Variants in CFAP46 observed in about 807,000 individuals in gnomAD.
The protein encoded by CFAP46 is cilia- and flagella-associated protein 46.
In CFAP46, 245 loss-of-function variants were observed where a neutral mutation model predicts 325.7. The ratio of observed to expected loss-of-function variants is 0.75; its 90% confidence interval spans 0.68 to 0.84. The LOEUF is 0.84. Among genes scored for constraint, CFAP46 ranks in the 40% least tolerant of loss-of-function variants. The probability of loss-of-function intolerance (pLI) is 0.00; values close to 1 mark genes in which losing one functional copy is unlikely to be tolerated. For missense variants in CFAP46, 3,346 were observed against 3,543.0 expected (o/e 0.94, Z 1.41); for synonymous variants, 1,523 against 1,495.9 (o/e 1.02, Z -0.42).
intron 22 of CFAP46, among the ~76,000 whole-genome samples, chr10:132,901,649 A>AAGGT (rs1849393483): frequency 6.6e-6 from 1 of 152,206 alleles, no homozygotes; most frequent in South Asian, 2.1e-4. Context: ...TTTGCTTTAA[A>AAGGT]AGGTCAAGTG....
At chr10:132,813,798 C>G (rs1847634321) in intron 54 of CFAP46, among the ~76,000 whole-genome samples, 1 of 152,204 alleles carries the variant, frequency 6.6e-6, no homozygotes, top group South Asian at 2.1e-4. Flanking sequence ...TCCCTGCTGG[C>G]TGCTTCTGGA....
intron 55 of CFAP46, among the ~76,000 whole-genome samples, chr10:132,811,603 C>T (rs1320523428): frequency 1.3e-5 from 2 of 152,242 alleles, no homozygotes; most frequent in African/African-American, 4.8e-5. Flanking sequence ...GGGCGCTGCC[C>T]ACTTCCACTC....
rs954133768 is a variant in CFAP46, at chr10:132,851,896, G to C, written c.5575-591C>G. Among the ~76,000 whole-genome samples the C allele has an allele frequency of 1.3e-4, 19 of 148,342 alleles. No homozygotes were observed. In the East Asian group the frequency reaches 3.5e-3, roughly 28 times the overall value. On this transcript the variant is annotated intron_variant, in intron 39 of 57. Coordinates refer to ENST00000368586, the MANE Select transcript of CFAP46 (RefSeq NM_001200049.3). ...AATTCTCAGATCCTGATCCACAGAC[G>C]TGGTATGTTCCTCCATTTACTTAGG...
Position 132,885,224 on chromosome 10 carries a change from A to G in CFAP46, c.3506T>C (p.Ile1169Thr). ...AKLGQNFSME[I>T]QKFKAESEDY... is the part of the protein sequence containing the mutation. Reference sequence around the variant, plus strand: ...CTCACTCTCGGCCTTGAATTTCTGTATTTCCATCGAAAAATTCTGCCCGAG... The same window carrying G: ...CTCACTCTCGGCCTTGAATTTCTGTGTTTCCATCGAAAAATTCTGCCCGAG... The change falls in exon 27 of 58, where the codon ATA (isoleucine) becomes ACA (threonine). Residue 1169 changes from isoleucine to threonine, a missense_variant. By Grantham distance (89) the Ile-to-Thr change is moderately conservative. Transcript: ENST00000368586. The G allele has an allele frequency of 6.4e-7, 1 of 1,550,396 alleles. No individual in the cohort carries two copies. The highest frequency in any genetic ancestry group is 8.7e-7 in the Non-Finnish European group (1 of 1,146,930).
intron 50 of CFAP46, among the ~76,000 whole-genome samples, chr10:132,823,754 T>C (rs1335996516): frequency 1.7e-5 from 2 of 114,626 alleles, no homozygotes; most frequent in Non-Finnish European, 4.0e-5. Flanking sequence ...CGCTGATGTG[T>C]GCTGTGTGTG....
rs77106044 is a variant in CFAP46 at position 132,846,068 on chromosome 10, C to T, written c.6427G>A (p.Ala2143Thr). 5,971 of 1,576,098 alleles carry T rather than the reference C, an allele frequency of 3.8e-3. 183 individuals carry two copies. The South Asian group carries it at 0.057, about 15-fold the overall frequency. Residue 2143 changes from alanine (A) to threonine (T), a missense_variant, in exon 44 of 58, where the codon GCC becomes ACC. Transcript: ENST00000368586. ...CCGTGCCCGCTTACCTTGGACACGG[C>T]GGCCAGCCTCTGCTCCACACGGGCG... ...LGARVEQRLAAVSKAWQNLCV... is the reference protein window; with the variant it reads ...LGARVEQRLATVSKAWQNLCV...
At position 132,909,147 on chromosome 10, in the gene CFAP46, G is replaced by A; in HGVS notation, c.2747C>T (p.Ser916Phe). The change falls in exon 21 of 58, where the codon TCC becomes TTC. Residue 916 changes from serine (S) to phenylalanine (F), a missense_variant. By Grantham distance (155) the Ser-to-Phe change is radical (BLOSUM62 -2). Transcript: ENST00000368586. Reference sequence around the variant, plus strand: ...CCTGGGGACACCTACCTGGGCCAGGGAGGGGACAGTGAAGTCCATGAGGCC... The same window carrying A: ...CCTGGGGACACCTACCTGGGCCAGGAAGGGGACAGTGAAGTCCATGAGGCC... Reference protein sequence around the residue: ...GLGLMDFTVPSLAQLVKMASE... With the variant: ...GLGLMDFTVPFLAQLVKMASE... The A allele has an allele frequency of 6.5e-7, 1 of 1,548,836 alleles. No homozygotes were observed. Among genetic ancestry groups the A allele is most frequent in the Non-Finnish European group, 8.7e-7 (1 of 1,146,210 alleles).
intron 50 of CFAP46, among the ~76,000 whole-genome samples, chr10:132,815,732 G>A (rs761532866): frequency 6.6e-6 from 1 of 152,210 alleles, no homozygotes; most frequent in Non-Finnish European, 1.5e-5. Flanking sequence ...GCTGCAGTGA[G>A]CTGTGATTGT....
chr10:132,913,365 T>TTTTGG, intron 17 of CFAP46, 107 bp from the exon 18 acceptor site: 1 of 279,300 alleles, frequency 3.6e-6, no homozygotes, highest in Non-Finnish European at 7.2e-6. Flanking sequence ...GGGCAAGAAG[T>TTTTGG]GGGAGGGGCG....
Position 132,855,485 on chromosome 10 carries a change from C to A in CFAP46, c.5574+2105G>T, listed in dbSNP as rs1189327465. Among the ~76,000 whole-genome samples the A allele has an allele frequency of 4.6e-5, 7 of 152,094 alleles. No individual in the cohort carries two copies. The East Asian group carries it at 1.2e-3, about 25-fold the overall frequency. On this transcript the variant is annotated intron_variant, in intron 39 of 57. Coordinates refer to ENST00000368586, the MANE Select transcript of CFAP46 (RefSeq NM_001200049.3). ...GCTTTTTTATATAATCTGATAGATTCTTTTAACTGAGGGTGTTCTGATTAT... is the reference window on the plus strand; with the variant it reads ...GCTTTTTTATATAATCTGATAGATTATTTTAACTGAGGGTGTTCTGATTAT...
At chr10:132,842,088 C>T (rs575516984) in intron 44 of CFAP46, among the ~76,000 whole-genome samples, 37 of 152,328 alleles carry the variant, frequency 2.4e-4, no homozygotes, top group Non-Finnish European at 4.1e-4. Flanking sequence ...CAGATCCTTC[C>T]GCTCACTTTT....
intron 50 of CFAP46, among the ~76,000 whole-genome samples, chr10:132,820,990 GTGTGTGCTGA>G (rs1388689381): frequency 7.6e-6 from 1 of 131,224 alleles, no homozygotes; most frequent in Non-Finnish European, 1.6e-5. Context: ...TGTGTGCTGT[GTGTGTGCTGA>G]TGTGTGCTGT....
intron 6 of CFAP46, 104 bp downstream of exon 6, chr10:132,937,448 T>G (rs946451719): frequency 7.0e-7 from 1 of 1,430,314 alleles, no homozygotes. Flanking sequence ...GCATATAGAT[T>G]TTTATATCTC....
intron 45 of CFAP46, 63 bp downstream of exon 45, chr10:132,836,754 C>G: frequency 7.1e-7 from 1 of 1,415,154 alleles, no homozygotes; most frequent in East Asian, 2.3e-5. Context: ...ACGGCTGGGT[C>G]TCTGCCTCCC....
Position 132,884,778 on chromosome 10 carries a change from C to T in CFAP46, c.3627+325G>A, listed in dbSNP as rs1849097065. On this transcript the variant is annotated intron_variant, in intron 27 of 57. Coordinates refer to ENST00000368586, the MANE Select transcript of CFAP46 (RefSeq NM_001200049.3). The surrounding 1 kb of genome is among the most constrained non-coding windows in gnomAD (Gnocchi z 5.4). ...CTCTCCTCTGCAGCCACCCGCCCAT[C>T]GGGGCCCTGGTGCCACCAGGGGAGC... Among the ~76,000 whole-genome samples, 2 of 152,088 alleles carry T rather than the reference C, an allele frequency of 1.3e-5. No individual in the cohort carries two copies. Among genetic ancestry groups the T allele is most frequent in the African/African-American group, 2.4e-5 (1 of 41,440 alleles).
At chr10:132,860,287 G>A in intron 37 of CFAP46, 130 bp downstream of exon 37, 2 of 648,378 alleles carry the variant, frequency 3.1e-6, no homozygotes, top group Non-Finnish European at 2.7e-6. Flanking sequence ...ACGGAAAGCT[G>A]TGGATATGTG....
chr10:132,853,233 TG>T (rs1848588554), intron 39 of CFAP46, among the ~76,000 whole-genome samples: 1 of 152,234 alleles, frequency 6.6e-6, no homozygotes, highest in Non-Finnish European at 1.5e-5. Context: ...CTGTATTAAT[TG>T]TTTGCTAGGA....
chr10:132,836,358 C>T (rs1312667857), intron 45 of CFAP46, 140 bp from the exon 46 acceptor site: 5 of 741,748 alleles, frequency 6.7e-6, no homozygotes, highest in Non-Finnish European at 9.2e-6. Context: ...TCCCCGTGTG[C>T]GCCTCCAGGG....
chr10:132,836,890 C>A lies in CFAP46; in HGVS notation c.6463G>T (p.Glu2155Ter), dbSNP rs759534066. Residue 2155 changes from glutamate (E) to a stop codon, truncating the protein, a stop_gained, in exon 45 of 58, where the codon GAG (glutamate) becomes TAG (stop). Transcript: ENST00000368586. LOFTEE classifies it high-confidence loss of function. Reference sequence around the variant, plus strand: ...TCATTCAAGAGGTTAAAATGCTGCTCAGTGACGCAGAGATTTTGCCAAGCC... The same window carrying A: ...TCATTCAAGAGGTTAAAATGCTGCTAAGTGACGCAGAGATTTTGCCAAGCC... ...SKAWQNLCVTEQHFNLLNEMP... is the reference protein window; with the variant it reads ...SKAWQNLCVT The A allele has an allele frequency of 1.9e-6, 3 of 1,613,942 alleles. No homozygotes were observed. Among genetic ancestry groups the A allele is most frequent in the Non-Finnish European group, 2.5e-6 (3 of 1,179,992 alleles).
Sources: gnomAD v4.1 joint callset for allele counts (sites outside exome capture counted in the v4.1 genomes callset) on GRCh38, gnomAD v4.1.1 for gene constraint, Gnocchi (gnomAD v3.1) non-coding constraint, MANE v1.5 for transcripts, NCBI Gene and HGNC (gene_info 2026-07-23, HGNC 2026-07-21) for gene names.